Variants in HTR3A observed in about 807,000 individuals in gnomAD.
HTR3A encodes the protein 5-hydroxytryptamine receptor 3A.
In HTR3A, 45 loss-of-function variants were observed where a neutral mutation model predicts 54.8. The ratio of observed to expected loss-of-function variants is 0.82; its 90% CI spans 0.65 to 1.05. The LOEUF is 1.05. Ranked by LOEUF, HTR3A falls within the 50% of genes least tolerant of loss-of-function variation. The probability of loss-of-function intolerance (pLI) is 0.00; values close to 1 mark genes in which losing one functional copy is unlikely to be tolerated. For missense variants in HTR3A, 657 were observed against 614.0 expected (o/e 1.07, Z -0.74); for synonymous variants, 297 against 256.0 (o/e 1.16, Z -1.53).
At position 113,989,366 on chromosome 11, in the gene HTR3A, T is replaced by C. The variant is rs953366185; in HGVS notation, c.1139-99T>C. Reference sequence around the variant, plus strand: ...TGACAGAGTGAGAAAAAAAAAGTTATTCCCAACAAAAATTTACAGGCTATA... The same window carrying C: ...TGACAGAGTGAGAAAAAAAAAGTTACTCCCAACAAAAATTTACAGGCTATA... On this transcript the variant is annotated intron_variant, in intron 8 of 8. Coordinates refer to ENST00000504030, the MANE Select transcript of HTR3A (RefSeq NM_000869.6). The surrounding 1 kb of genome is among the most constrained non-coding windows in gnomAD (Gnocchi z 4.4). 5.0e-6 allele frequency: 7 copies of C among 1,398,114 alleles called. No homozygotes were observed. Among genetic ancestry groups the C allele is most frequent in the South Asian group, 4.6e-5 (4 of 86,280 alleles). 86.6% of individuals were successfully genotyped at this position (1,398,114 alleles called of 1,614,324 possible).
At chr11:113,980,808 G>T (rs1427394731) in intron 3 of HTR3A, among the ~76,000 whole-genome samples, 1 of 152,216 alleles carries the variant, frequency 6.6e-6, no homozygotes, top group Non-Finnish European at 1.5e-5. Context: ...TGAAAATGGA[G>T]AATATATTAA....
intron 5 of HTR3A, 90 bp downstream of exon 5, chr11:113,983,379 A>C: frequency 5.1e-6 from 7 of 1,367,584 alleles, no homozygotes; most frequent in Non-Finnish European, 7.3e-6. Context: ...GCGCCTTCTC[A>C]CGTATCCAGC....
chr11:113,985,079 A>G (rs934519044), intron 5 of HTR3A, among the ~76,000 whole-genome samples: 1 of 152,192 alleles, frequency 6.6e-6, no homozygotes, highest in Non-Finnish European at 1.5e-5. Flanking sequence ...CCCAAACTTC[A>G]CCAACAACAG....
chr11:113,985,260 A>G (rs1467252805), intron 5 of HTR3A, among the ~76,000 whole-genome samples: 2 of 152,160 alleles, frequency 1.3e-5, no homozygotes, highest in Admixed American at 6.6e-5. Context: ...ATATACTACT[A>G]CTTGATTCTT....
chr11:113,980,280 TAA>T (rs1274603351), intron 3 of HTR3A, among the ~76,000 whole-genome samples: 1 of 152,140 alleles, frequency 6.6e-6, no homozygotes, highest in Non-Finnish European at 1.5e-5. Context: ...GCAACTGTGC[TAA>T]GAGACTGGAA....
rs983771933 is a variant in HTR3A, at chr11:113,988,773, A to G, written c.1139-692A>G. On this transcript the variant is annotated intron_variant, in intron 8 of 8. Transcript: ENST00000504030. The stretch of plus-strand genomic sequence containing the variant: ...AGTGAGACTTGGTCTCCAAACAAAC[A>G]AACAACAAACAAACAAACAAACAAA... Among the ~76,000 whole-genome samples the G allele has an allele frequency of 4.0e-5, 6 of 151,208 alleles. No individual in the cohort carries two copies. In the South Asian group the frequency reaches 8.5e-4, roughly 21 times the overall value.
At chr11:113,979,146 A>G in intron 2 of HTR3A, 87 bp from the exon 3 acceptor site, 1 of 1,017,420 alleles carries the variant, frequency 9.8e-7, no homozygotes, top group Non-Finnish European at 1.6e-6. Context: ...TAGGGACACA[A>G]GGAAGCCCCT....
At chr11:113,984,349 C>T (rs953122106) in intron 5 of HTR3A, among the ~76,000 whole-genome samples, 1 of 152,172 alleles carries the variant, frequency 6.6e-6, no homozygotes, top group Non-Finnish European at 1.5e-5. Flanking sequence ...GGTGCAGTGG[C>T]TCACAAATGT....
Position 113,986,509 on chromosome 11 carries a change from C to T in HTR3A, c.706-9C>T, listed in dbSNP as rs774771285. 35 of 1,611,696 alleles carry T rather than the reference C, an allele frequency of 2.2e-5. No individual in the cohort carries two copies. The highest frequency in any genetic ancestry group is 2.0e-4 in the East Asian group (9 of 44,884). Reference sequence around the variant, plus strand: ...CCCAGGCTTCCCACAAGCTCTTCTCCGGTCCCAGGTGGTCATCCGCCGGCG... The same window carrying T: ...CCCAGGCTTCCCACAAGCTCTTCTCTGGTCCCAGGTGGTCATCCGCCGGCG... On this transcript the variant is annotated splice_polypyrimidine_tract_variant and intron_variant, in intron 6 of 8. Coordinates refer to ENST00000504030, the MANE Select transcript of HTR3A (RefSeq NM_000869.6).
At chr11:113,987,183 G>C (rs1950504257) in intron 8 of HTR3A, 137 bp downstream of exon 8, 1 of 902,446 alleles carries the variant, frequency 1.1e-6, no homozygotes, top group African/African-American at 1.6e-5. Flanking sequence ...TACTTGGGGT[G>C]GGGGCAGCCT....
rs755435561 is a variant in HTR3A, at chr11:113,986,186, G to C, written c.705+11G>C. ...GAAATGAAGTTCTATGTGAGTGGGA[G>C]TGAATGTGGGTAAAATGGTGAATAA... On this transcript the variant is annotated intron_variant, in intron 6 of 8. Transcript: ENST00000504030. 3.7e-6 allele frequency: 6 copies of C among 1,613,966 alleles called. No homozygotes were observed. The highest frequency in any genetic ancestry group is 5.1e-6 in the Non-Finnish European group (6 of 1,179,976).
chr11:113,986,265 T>G (rs576806030), intron 6 of HTR3A, 90 bp downstream of exon 6: 7 of 1,502,622 alleles, frequency 4.7e-6, no homozygotes, highest in Non-Finnish European at 6.5e-6. Flanking sequence ...TTCTATAGCC[T>G]TTTTCCAACC....
At chr11:113,976,114 T>C (rs1191829853) in intron 1 of HTR3A, among the ~76,000 whole-genome samples, 1 of 152,138 alleles carries the variant, frequency 6.6e-6, no homozygotes. Flanking sequence ...GGGTGGAGCA[T>C]ACTGGGGCAC....
chr11:113,981,033 G>T (rs933760068), intron 3 of HTR3A, 170 bp from the exon 4 acceptor site: 8 of 640,426 alleles, frequency 1.2e-5, no homozygotes, highest in African/African-American at 1.8e-5. Context: ...ATGAAGAGGT[G>T]GGGGGACTCT....
chr11:113,977,584 A>C (rs761663281), intron 1 of HTR3A, 187 bp from the exon 2 acceptor site: 2 of 1,533,380 alleles, frequency 1.3e-6, no homozygotes, highest in Non-Finnish European at 1.8e-6. Context: ...AAGGTAATAC[A>C]TTTGAATTAT....
intron 2 of HTR3A, among the ~76,000 whole-genome samples, chr11:113,978,139 C>G (rs1368742508): frequency 6.6e-6 from 1 of 152,214 alleles, no homozygotes; most frequent in Non-Finnish European, 1.5e-5. Context: ...CACACCCATA[C>G]AGTGAGGGGG....
rs1950495196 is a variant in HTR3A, at chr11:113,986,614, C to T, written c.802C>T (p.Pro268Ser). ...VMDIVGFYLP[P>S]NSGERVSFKI... ...GGACATCGTGGGCTTCTACCTGCCC[C>T]CCAACAGTGGCGAGAGGGTCTCTTT... Residue 268 changes from proline (P) to serine (S), a missense_variant, in exon 7 of 9, where the codon CCC becomes TCC. Pro to Ser is a moderately conservative substitution (Grantham distance 74, BLOSUM62 -1). Coordinates refer to ENST00000504030, the MANE Select transcript of HTR3A (RefSeq NM_000869.6). 2 of 1,613,816 alleles carry T rather than the reference C, an allele frequency of 1.2e-6. No homozygotes were observed. The highest frequency in any genetic ancestry group is 1.7e-6 in the Non-Finnish European group (2 of 1,180,026).
rs1339448080 is a variant in HTR3A at position 113,986,075 on chromosome 11, T to A, written c.605T>A (p.Val202Asp). Residue 202 changes from valine (V) to aspartate (D), a missense_variant, in exon 6 of 9, where the codon GTC becomes GAC. Coordinates refer to ENST00000504030, the MANE Select transcript of HTR3A (RefSeq NM_000869.6). ...GAAAAGGTGAAATCCGACAGGAGTG[T>A]CTTCATGAACCAGGGAGAGTGGGAG... ...LPEKVKSDRSVFMNQGEWELL... is the reference protein window; with the variant it reads ...LPEKVKSDRSDFMNQGEWELL... 6.2e-7 allele frequency: 1 copy of A among 1,614,170 alleles called. No homozygotes were observed. Among genetic ancestry groups the A allele is most frequent in the Admixed American group, 1.7e-5 (1 of 60,016 alleles).
chr11:113,986,889 G>C lies in HTR3A; in HGVS notation c.981G>C (p.Val327=). ...GTTTGGCCGAGACCATCTTCATTGT[G>C]CGGCTGGTGCACAAGCAAGACCTGC... ...VISLAETIFI[V]RLVHKQDLQQ... Residue 327 remains valine (V), a synonymous_variant, in exon 8 of 9, where the codon GTG becomes GTC. Coordinates refer to ENST00000504030, the MANE Select transcript of HTR3A (RefSeq NM_000869.6). 1.2e-6 allele frequency: 2 copies of C among 1,614,062 alleles called. No individual in the cohort carries two copies. The highest frequency in any genetic ancestry group is 1.7e-6 in the Non-Finnish European group (2 of 1,180,020).
Sources: gnomAD v4.1 joint callset for allele counts (sites outside exome capture counted in the v4.1 genomes callset) on GRCh38, gnomAD v4.1.1 for gene constraint, Gnocchi (gnomAD v3.1) non-coding constraint, MANE v1.5 for transcripts, NCBI Gene and HGNC (gene_info 2026-07-23, HGNC 2026-07-21) for gene names.